APPL2: variants seen among roughly 807,000 people sequenced by gnomAD.
APPL2 encodes adaptor protein, phosphotyrosine interacting with PH domain and leucine zipper 2.
APPL2 carries 84 observed loss-of-function variants against 92.7 expected under a neutral mutation model. The ratio of observed to expected loss-of-function variants is 0.91; its 90% CI spans 0.76 to 1.09. APPL2 has a LOEUF of 1.09. Among genes scored for constraint, APPL2 ranks in the 50% least tolerant of loss-of-function variants. The pLI is 0.00. For missense variants in APPL2, 736 were observed against 824.5 expected (o/e 0.89, Z 1.31); for synonymous variants, 291 against 291.0 (o/e 1.00, Z 0.00).
chr12:105,174,581 T>G (rs11112396), intron 20 of APPL2, 133 bp from the exon 21 acceptor site: 108,134 of 852,470 alleles, frequency 0.13, 10,074 homozygotes, highest in African/African-American at 0.41. Context: ...TGCCTTCCGC[T>G]GAGTCTCCTT....
chr12:105,217,814 T>C, intron 2 of APPL2, 89 bp from the exon 3 acceptor site: 3 of 1,273,982 alleles, frequency 2.4e-6, no homozygotes, highest in Non-Finnish European at 3.4e-6. Context: ...CCTTAAAAAG[T>C]AATATTGGCT....
At chr12:105,198,339 C>G (rs1291839226) in intron 10 of APPL2, among the ~76,000 whole-genome samples, 2 of 152,190 alleles carry the variant, frequency 1.3e-5, no homozygotes, top group African/African-American at 4.8e-5. Context: ...CCTTAGCCCA[C>G]AGCACCCACC....
In APPL2 at chr12:105,176,867, A is replaced by AAAAG. The variant is rs1566044715; in HGVS notation, c.1812+5_1812+8dup. 6.2e-7 allele frequency: 1 copy of AAAAG among 1,612,874 alleles called. No homozygotes were observed. The highest frequency in any genetic ancestry group is 1.1e-5 in the South Asian group (1 of 90,936). ...GGGATATTATGGGATCTTCACATGA[A>AAAAG]AAAGAGACCTTTTCGCCTTCTGAGT... On this transcript the variant is annotated intron_variant, in intron 19 of 20. Coordinates refer to ENST00000258530, the MANE Select transcript of APPL2 (RefSeq NM_018171.5).
At chr12:105,227,500 T>C (rs1014830754) in intron 2 of APPL2, among the ~76,000 whole-genome samples, 8 of 152,158 alleles carry the variant, frequency 5.3e-5, no homozygotes, top group African/African-American at 1.9e-4. Context: ...CACACACTCA[T>C]ACGCACCCTG....
At chr12:105,223,704 G>A (rs1306812855) in intron 2 of APPL2, among the ~76,000 whole-genome samples, 1 of 152,134 alleles carries the variant, frequency 6.6e-6, no homozygotes, top group African/African-American at 2.4e-5. Context: ...AAGAAAGGAT[G>A]AGAGGACTAA....
At position 105,211,274 on chromosome 12, in the gene APPL2, G is replaced by T; in HGVS notation, c.329C>A (p.Thr110Lys). ...GAATTGTATGATAGGTAGAACCATT[G>T]TGTCTGCCAACTGTTTAGCCAGCTC... ...HTELAKQLAD[T>K]MVLPIIQFRE... The change falls in exon 5 of 21, where the codon ACA becomes AAA. Residue 110 changes from threonine to lysine, a missense_variant. Transcript: ENST00000258530. 1 of 1,614,010 alleles carries T rather than the reference G, an allele frequency of 6.2e-7. No individual in the cohort carries two copies. The highest frequency in any genetic ancestry group is 1.3e-5 in the African/African-American group (1 of 75,040).
rs367675218 is a variant in APPL2, at chr12:105,197,851, G to T, written c.966C>A (p.Ile322=). 55 of 1,614,080 alleles carry T rather than the reference G, an allele frequency of 3.4e-5. No homozygotes were observed. Among genetic ancestry groups the T allele is most frequent in the Middle Eastern group, 1.6e-4 (1 of 6,084 alleles). ...QPRGAVAGGL[I]QDLDNCSVMA... The stretch of plus-strand genomic sequence containing the variant: ...TCACTGAGCAGTTGTCCAGGTCCTG[G>T]ATCAAACCTCCAGCCACGGCTCCCC... The change falls in exon 11 of 21, where the codon ATC becomes ATA. Residue 322 remains isoleucine, a synonymous_variant. Transcript: ENST00000258530.
In APPL2 at chr12:105,221,390, G is replaced by A. The variant is rs148660122; in HGVS notation, c.154-3665C>T. ...CTATTATTATTTCCATTTTGTAAAC[G>A]TGGAGACTAAGCTTCAGAAAGGATA... On this transcript the variant is annotated intron_variant, in intron 2 of 20. Coordinates refer to ENST00000258530, the MANE Select transcript of APPL2 (RefSeq NM_018171.5). Among the ~76,000 whole-genome samples the A allele has an allele frequency of 1.6e-4, 24 of 152,298 alleles. No homozygotes were observed. The East Asian group carries it at 2.1e-3, about 13-fold the overall frequency.
At chr12:105,185,272 G>C (rs1886498780) in intron 17 of APPL2, among the ~76,000 whole-genome samples, 1 of 152,176 alleles carries the variant, frequency 6.6e-6, no homozygotes, top group African/African-American at 2.4e-5. Context: ...TGAACAGTTG[G>C]GACTCGCTGA....
chr12:105,223,626 G>A (rs752587799), intron 2 of APPL2, among the ~76,000 whole-genome samples: 4 of 152,230 alleles, frequency 2.6e-5, no homozygotes, highest in Non-Finnish European at 4.4e-5. Flanking sequence ...ACCAGACTGA[G>A]GTGGCTTGAG....
At chr12:105,195,716 G>C (rs1887582162) in intron 11 of APPL2, 89 bp from the exon 12 acceptor site, 1 of 1,445,660 alleles carries the variant, frequency 6.9e-7, no homozygotes, top group South Asian at 1.1e-5. Flanking sequence ...GCTGGGGTGT[G>C]GGAGGAAAAG....
Position 105,195,307 on chromosome 12 carries a change from T to G in APPL2, c.1195A>C (p.Thr399Pro). Residue 399 changes from threonine to proline, a missense_variant, in exon 14 of 21, where the codon ACT becomes CCT. Thr to Pro is a conservative substitution (Grantham distance 38, BLOSUM62 -1). Transcript: ENST00000258530. ...TTTTTTCCAAAACTTGTAATGGGAG[T>G]CACTGCTTGCAGAGCGGTCTGATTC... ...KLNQTALQAV[T>P]PITSFGKKQE... The G allele has an allele frequency of 6.2e-7, 1 of 1,614,066 alleles. No individual in the cohort carries two copies. Among genetic ancestry groups the G allele is most frequent in the Non-Finnish European group, 8.5e-7 (1 of 1,180,026 alleles).
chr12:105,203,556 CAAGG>C lies in APPL2; in HGVS notation c.704+143_704+146del, dbSNP rs1471886214. On this transcript the variant is annotated intron_variant, in intron 9 of 20. Transcript: ENST00000258530. Reference sequence around the variant, plus strand: ...TATTTATGAATATTGGCAGCTAAGGCAAGGGCACTGTTAGCGAGCATTTCTGGGG... The same window carrying C: ...TATTTATGAATATTGGCAGCTAAGGCGCACTGTTAGCGAGCATTTCTGGGG... The C allele has an allele frequency of 3.7e-4, 255 of 684,366 alleles. No homozygotes were observed. In the African/African-American group the frequency reaches 4.2e-3, roughly 11 times the overall value. The allele number at this position is 684,366 out of a possible 1,614,324, so 42.4% of individuals were successfully genotyped here.
intron 17 of APPL2, among the ~76,000 whole-genome samples, chr12:105,185,509 C>G (rs1226625428): frequency 2.6e-5 from 4 of 152,056 alleles, no homozygotes; most frequent in African/African-American, 9.6e-5. Context: ...GGGAGTTCCC[C>G]GACCCCTTGT....
Position 105,176,860 on chromosome 12 carries a change from C to T in APPL2, c.1812+16G>A. 2 of 1,611,950 alleles carry T rather than the reference C, an allele frequency of 1.2e-6. No individual in the cohort carries two copies. Among genetic ancestry groups the T allele is most frequent in the Non-Finnish European group, 1.7e-6 (2 of 1,179,252 alleles). On this transcript the variant is annotated intron_variant, in intron 19 of 20. Transcript: ENST00000258530. ...TTGGACTGGGATATTATGGGATCTT[C>T]ACATGAAAAAGAGACCTTTTCGCCT...
At chr12:105,204,549 C>G (rs982742983) in intron 8 of APPL2, among the ~76,000 whole-genome samples, 1 of 152,210 alleles carries the variant, frequency 6.6e-6, no homozygotes, top group Non-Finnish European at 1.5e-5. Context: ...GGGGACTGTT[C>G]TGGCCCCATG....
At position 105,203,696 on chromosome 12, in the gene APPL2, G is replaced by A; in HGVS notation, c.704+7C>T. On this transcript the variant is annotated splice_region_variant and intron_variant, in intron 9 of 20. Transcript: ENST00000258530. Reference sequence around the variant, plus strand: ...GCACACAAGACCCGGCCGGAGTGCAGCATTACCTTTGAACCATGTCTGCAA... The same window carrying A: ...GCACACAAGACCCGGCCGGAGTGCAACATTACCTTTGAACCATGTCTGCAA... 1 of 1,613,942 alleles carries A rather than the reference G, an allele frequency of 6.2e-7. No individual in the cohort carries two copies. Among genetic ancestry groups the A allele is most frequent in the Non-Finnish European group, 8.5e-7 (1 of 1,179,776 alleles).
intron 3 of APPL2, 148 bp downstream of exon 3, chr12:105,217,518 A>G (rs1330052041): frequency 9.8e-6 from 7 of 716,994 alleles, no homozygotes; most frequent in Admixed American, 2.9e-5. Context: ...ACTGATTTCA[A>G]TACATCAGTG....
Position 105,217,054 on chromosome 12 carries a change from A to T in APPL2, c.285+15T>A, listed in dbSNP as rs1428641299. On this transcript the variant is annotated intron_variant, in intron 4 of 20. Transcript: ENST00000258530. Reference sequence around the variant, plus strand: ...AGAAAGAATCAAATACAAATTTTCTATGTTGCTATCTTACCTCATCCACCA... The same window carrying T: ...AGAAAGAATCAAATACAAATTTTCTTTGTTGCTATCTTACCTCATCCACCA... 1 of 1,561,674 alleles carries T rather than the reference A, an allele frequency of 6.4e-7. No individual in the cohort carries two copies. The highest frequency in any genetic ancestry group is 1.8e-5 in the Admixed American group (1 of 54,974).
Sources: gnomAD v4.1 joint callset for allele counts (sites outside exome capture counted in the v4.1 genomes callset) on GRCh38, gnomAD v4.1.1 for gene constraint, MANE v1.5 for transcripts, NCBI Gene and HGNC (gene_info 2026-07-23, HGNC 2026-07-21) for gene names.